Variants in NRXN1 observed in about 807,000 individuals in gnomAD.
NRXN1 encodes the protein neurexin 1.
In NRXN1, 39 loss-of-function variants were observed where a neutral mutation model predicts 150.9. That is an observed-to-expected ratio of 0.26 (90% confidence interval 0.20 to 0.34). The LOEUF is 0.34. Among genes scored for constraint, NRXN1 ranks in the 10% least tolerant of loss-of-function variants. NRXN1 has a pLI of 1.00. For missense variants in NRXN1, 1,815 were observed against 1,949.9 expected, an observed-to-expected ratio of 0.93 and a Z score of 1.30; for synonymous variants, 924 against 757.0, an observed-to-expected ratio of 1.22 and a Z score of -3.62.
chr2:50,138,170 C>T (rs1033245646), intron 18 of NRXN1, among the ~76,000 whole-genome samples: 1 of 152,174 alleles, frequency 6.6e-6, no homozygotes, highest in Non-Finnish European at 1.5e-5. Flanking sequence ...ATTTCATTTA[C>T]AACCCATATG....
At chr2:50,280,920 CA>C (rs2071348785) in intron 17 of NRXN1, among the ~76,000 whole-genome samples, 1 of 151,906 alleles carries the variant, frequency 6.6e-6, no homozygotes, top group Admixed American at 6.6e-5. Flanking sequence ...TTATTTTGAA[CA>C]ATGTTTCAAA....
chr2:50,423,917 G>A (rs1027942381), intron 17 of NRXN1, among the ~76,000 whole-genome samples: 1 of 152,052 alleles, frequency 6.6e-6, no homozygotes, highest in Non-Finnish European at 1.5e-5. Flanking sequence ...GCAACAGCAG[G>A]TCCAACAGCC....
At chr2:49,993,919 G>A (rs561009924) in intron 21 of NRXN1, among the ~76,000 whole-genome samples, 16 of 152,210 alleles carry the variant, frequency 1.1e-4, no homozygotes, top group East Asian at 7.7e-4. Context: ...ACTGGCTGTG[G>A]TGATGTTTTC....
chr2:50,693,223 G>A (rs1301628204), intron 5 of NRXN1, among the ~76,000 whole-genome samples: 1 of 152,102 alleles, frequency 6.6e-6, no homozygotes, highest in Non-Finnish European at 1.5e-5. Context: ...AGATCCTGTG[G>A]GCAGATTTTG....
At chr2:50,273,789 T>C (rs539190923) in intron 17 of NRXN1, among the ~76,000 whole-genome samples, 2 of 152,300 alleles carry the variant, frequency 1.3e-5, no homozygotes, top group African/African-American at 4.8e-5. Flanking sequence ...TCATCATCAC[T>C]GCTTATTAGA....
chr2:49,922,581 T>C (rs1371830585), intron 22 of NRXN1, among the ~76,000 whole-genome samples: 5 of 152,036 alleles, frequency 3.3e-5, no homozygotes, highest in African/African-American at 1.2e-4. Context: ...AAACCCAGCA[T>C]AAAGAAAAGC....
At chr2:51,014,889 T>C (rs995080783) in intron 2 of NRXN1, among the ~76,000 whole-genome samples, 7 of 152,068 alleles carry the variant, frequency 4.6e-5, no homozygotes, top group African/African-American at 1.7e-4. Context: ...GCTATTGTTG[T>C]TGATGTTGTC....
intron 18 of NRXN1, among the ~76,000 whole-genome samples, chr2:50,230,944 T>C (rs1222855994): frequency 6.6e-6 from 1 of 152,066 alleles, no homozygotes; most frequent in Non-Finnish European, 1.5e-5. Flanking sequence ...AATTTTACAA[T>C]ACATGGTGAA....
At chr2:50,882,361 C>T (rs956742039) in intron 5 of NRXN1, among the ~76,000 whole-genome samples, 5 of 151,896 alleles carry the variant, frequency 3.3e-5, no homozygotes, top group Middle Eastern at 3.4e-3. Context: ...TATGAAATTC[C>T]TACTATTTTT....
chr2:50,105,789 T>C (rs1701553411), intron 18 of NRXN1, among the ~76,000 whole-genome samples: 1 of 151,906 alleles, frequency 6.6e-6, no homozygotes, highest in Non-Finnish European at 1.5e-5. Flanking sequence ...CAAGTAAATA[T>C]AGATCTGAAT....
chr2:50,011,573 C>T (rs1685671216), intron 21 of NRXN1, among the ~76,000 whole-genome samples: 1 of 151,946 alleles, frequency 6.6e-6, no homozygotes, highest in Non-Finnish European at 1.5e-5. Context: ...AAAATGGAGC[C>T]CAGCAGGCAG....
Position 50,503,227 on chromosome 2 carries a change from G to C in NRXN1, c.2497+3268C>G, listed in dbSNP as rs542926878. Among the ~76,000 whole-genome samples the C allele has an allele frequency of 5.3e-5, 8 of 151,786 alleles. No individual in the cohort carries two copies. In the South Asian group the frequency reaches 1.7e-3, roughly 32 times the overall value. ...GGAAGCTGAGACAGGAGAATCACTT[G>C]AATGTAGGAGGCGGAGGCTGCAGTG... On this transcript the variant is annotated intron_variant, in intron 13 of 22. Coordinates refer to ENST00000401669, the MANE Select transcript of NRXN1 (RefSeq NM_001330078.2).
intron 5 of NRXN1, among the ~76,000 whole-genome samples, chr2:50,746,984 C>T (rs929693350): frequency 6.6e-6 from 1 of 152,054 alleles, no homozygotes; most frequent in African/African-American, 2.4e-5. Context: ...ACTGCTCACA[C>T]TCCTGTTGAC....
intron 8 of NRXN1, among the ~76,000 whole-genome samples, chr2:50,609,414 T>G (rs1677660620): frequency 6.6e-6 from 1 of 152,164 alleles, no homozygotes; most frequent in African/African-American, 2.4e-5. Flanking sequence ...GAAGGCCCTG[T>G]CTGCAAGATA....
chr2:50,470,063 G>A (rs940496435), intron 16 of NRXN1, among the ~76,000 whole-genome samples: 1 of 151,402 alleles, frequency 6.6e-6, no homozygotes, highest in Non-Finnish European at 1.5e-5. Flanking sequence ...CTATCTCATT[G>A]GGTATATCTG....
At chr2:50,855,486 G>C (rs1365146996) in intron 5 of NRXN1, among the ~76,000 whole-genome samples, 2 of 151,930 alleles carry the variant, frequency 1.3e-5, no homozygotes, top group Non-Finnish European at 2.9e-5. Flanking sequence ...AATACTCCAT[G>C]CTGCTTCCTT....
intron 2 of NRXN1, among the ~76,000 whole-genome samples, chr2:50,969,162 A>G (rs1188412336): frequency 1.3e-5 from 2 of 152,100 alleles, no homozygotes; most frequent in African/African-American, 4.8e-5. Context: ...TTGCCGGATG[A>G]CGCAACTGAA....
At chr2:49,938,755 T>C (rs1228985617) in intron 22 of NRXN1, among the ~76,000 whole-genome samples, 1 of 152,190 alleles carries the variant, frequency 6.6e-6, no homozygotes, top group East Asian at 1.9e-4. Flanking sequence ...TTGTAACAAA[T>C]GATAAATTAG....
At chr2:50,636,312 T>A (rs1683232629) in intron 5 of NRXN1, among the ~76,000 whole-genome samples, 1 of 152,196 alleles carries the variant, frequency 6.6e-6, no homozygotes, top group Non-Finnish European at 1.5e-5. Context: ...AGTGAAACAC[T>A]GGTTTCTTCT....
Sources: gnomAD v4.1 joint callset for allele counts (sites outside exome capture counted in the v4.1 genomes callset) on GRCh38, gnomAD v4.1.1 for gene constraint, MANE v1.5 for transcripts, NCBI Gene and HGNC (gene_info 2026-07-23, HGNC 2026-07-21) for gene names.